UNC5C: variants seen among roughly 807,000 people sequenced by gnomAD.
UNC5C encodes the protein netrin receptor UNC5C.
In UNC5C, 47 loss-of-function variants were observed where a neutral mutation model predicts 99.8. The ratio of observed to expected loss-of-function variants is 0.47; its 90% CI spans 0.37 to 0.60. UNC5C has a LOEUF of 0.60. Ranked by LOEUF, UNC5C falls within the 20% of genes least tolerant of loss-of-function variation. The pLI is 0.00. For missense variants in UNC5C, 1,062 were observed against 1,165.9 expected, an observed-to-expected ratio of 0.91 and a Z score of 1.30; for synonymous variants, 487 against 452.2, an observed-to-expected ratio of 1.08 and a Z score of -0.98.
At chr4:95,453,632 C>T (rs6835902) in intron 1 of UNC5C, among the ~76,000 whole-genome samples, 31,221 of 151,894 alleles carry the variant, frequency 0.21, 3,360 homozygotes, top group East Asian at 0.28. Flanking sequence ...TCAGCAAACA[C>T]CAAGGACTGA....
chr4:95,273,076 G>A (rs1046224007), intron 4 of UNC5C, among the ~76,000 whole-genome samples: 1 of 152,148 alleles, frequency 6.6e-6, no homozygotes, highest in Non-Finnish European at 1.5e-5. Context: ...TGTTTATCAC[G>A]ACTATACTCA....
intron 5 of UNC5C, among the ~76,000 whole-genome samples, chr4:95,245,710 G>A (rs910047550): frequency 6.6e-6 from 1 of 152,112 alleles, no homozygotes; most frequent in African/African-American, 2.4e-5. Context: ...TGAGTTACTT[G>A]GCGATTAGTT....
intron 1 of UNC5C, among the ~76,000 whole-genome samples, chr4:95,351,541 C>T (rs1743991133): frequency 6.6e-6 from 1 of 151,916 alleles, no homozygotes; most frequent in African/African-American, 2.4e-5. Context: ...TCTATGTGGC[C>T]AGGTGCAGTG....
chr4:95,414,664 T>C (rs1746107053), intron 1 of UNC5C, among the ~76,000 whole-genome samples: 1 of 152,216 alleles, frequency 6.6e-6, no homozygotes, highest in East Asian at 1.9e-4. Flanking sequence ...CATTCTATTC[T>C]AATAAAATAT....
intron 7 of UNC5C, 104 bp from the exon 8 acceptor site, chr4:95,220,280 G>A: frequency 9.2e-7 from 1 of 1,090,588 alleles, no homozygotes; most frequent in Non-Finnish European, 1.3e-6. Flanking sequence ...CTTTTTTATA[G>A]GTTAATTTCA....
chr4:95,411,983 GTT>G (rs113321414), intron 1 of UNC5C, among the ~76,000 whole-genome samples: 216 of 138,076 alleles, frequency 1.6e-3, no homozygotes, highest in African/African-American at 5.4e-3. Flanking sequence ...GCTGTGGAAT[GTT>G]TTTTTTTTTT....
chr4:95,336,462 A>G (rs953263231), intron 1 of UNC5C, among the ~76,000 whole-genome samples: 2 of 151,900 alleles, frequency 1.3e-5, no homozygotes, highest in Non-Finnish European at 2.9e-5. Context: ...AAATTTTTTT[A>G]CAAGTTCTTT....
At chr4:95,372,697 T>C (rs552749404) in intron 1 of UNC5C, among the ~76,000 whole-genome samples, 1 of 152,250 alleles carries the variant, frequency 6.6e-6, no homozygotes, top group East Asian at 1.9e-4. Context: ...CATATTACAA[T>C]AGAAATAGAT....
intron 1 of UNC5C, among the ~76,000 whole-genome samples, chr4:95,425,565 G>A (rs1382311760): frequency 6.6e-6 from 1 of 152,108 alleles, no homozygotes; most frequent in Admixed American, 6.5e-5. Flanking sequence ...CTCGTGATCC[G>A]CCCAAAGTGT....
intron 1 of UNC5C, among the ~76,000 whole-genome samples, chr4:95,417,458 A>T (rs535323785): frequency 6.6e-6 from 1 of 152,168 alleles, no homozygotes; most frequent in African/African-American, 2.4e-5. Flanking sequence ...TGAGTAGGAA[A>T]AATCTTCCTG....
chr4:95,319,006 A>T (rs78435110), intron 2 of UNC5C, among the ~76,000 whole-genome samples: 2 of 152,310 alleles, frequency 1.3e-5, no homozygotes, highest in African/African-American at 4.8e-5. Context: ...TCCAGACTGG[A>T]ATATCCTTAA....
chr4:95,366,006 A>G (rs1744554032), intron 1 of UNC5C, among the ~76,000 whole-genome samples: 1 of 152,126 alleles, frequency 6.6e-6, no homozygotes, highest in Non-Finnish European at 1.5e-5. Flanking sequence ...TTGAAGAGAA[A>G]TTAAATTTGG....
Position 95,172,163 on chromosome 4 carries a change from C to T in UNC5C, c.2452-1831G>A, listed in dbSNP as rs371475900. Among the ~76,000 whole-genome samples, 118 of 149,566 alleles carry T rather than the reference C, an allele frequency of 7.9e-4. No homozygotes were observed. In the East Asian group the frequency reaches 9.8e-3, roughly 12 times the overall value. On this transcript the variant is annotated intron_variant, in intron 14 of 15. Transcript: ENST00000453304. ...AGCCCTTTGTCAGATGAGTAGGTTG[C>T]GAAAATTTTCTCCCATTTTGTAGGT... is the stretch of plus-strand genomic sequence containing the variant.
intron 5 of UNC5C, among the ~76,000 whole-genome samples, chr4:95,246,194 G>A (rs1739496069): frequency 6.6e-6 from 1 of 152,174 alleles, no homozygotes; most frequent in Admixed American, 6.6e-5. Context: ...CAATGGCAAA[G>A]CCAGCCACAT....
intron 2 of UNC5C, among the ~76,000 whole-genome samples, chr4:95,302,886 T>C (rs1270520681): frequency 6.6e-6 from 1 of 152,184 alleles, no homozygotes; most frequent in Non-Finnish European, 1.5e-5. Context: ...ATGTTAACAA[T>C]GCATTATACA....
intron 9 of UNC5C, among the ~76,000 whole-genome samples, chr4:95,218,373 C>T (rs1738337175): frequency 6.6e-6 from 1 of 152,130 alleles, no homozygotes; most frequent in Non-Finnish European, 1.5e-5. Flanking sequence ...ACATAATAAA[C>T]TGAAACCAAG....
chr4:95,278,212 A>G (rs775975633), intron 4 of UNC5C, 47 bp downstream of exon 4: 1 of 1,488,184 alleles, frequency 6.7e-7, no homozygotes, highest in South Asian at 1.1e-5. Flanking sequence ...CCTCTGTTAG[A>G]ATAACTTAGT....
At chr4:95,409,658 G>A (rs1013931859) in intron 1 of UNC5C, among the ~76,000 whole-genome samples, 1 of 152,116 alleles carries the variant, frequency 6.6e-6, no homozygotes, top group Non-Finnish European at 1.5e-5. Context: ...TATCCTCTAT[G>A]AGTCCAGTTG....
chr4:95,299,562 A>T (rs1741794651), intron 3 of UNC5C, among the ~76,000 whole-genome samples: 1 of 152,196 alleles, frequency 6.6e-6, no homozygotes, highest in Non-Finnish European at 1.5e-5. Context: ...TAATAAAGAC[A>T]TGCCCCAGAT....
Sources: allele counts gnomAD v4.1 joint callset (sites outside exome capture counted in the v4.1 genomes callset), GRCh38; gene constraint gnomAD v4.1.1; transcripts MANE v1.5; gene names NCBI Gene and HGNC (gene_info 2026-07-23, HGNC 2026-07-21).